Variants in MICAL2 observed in about 807,000 individuals in gnomAD.
MICAL2 encodes the protein microtubule associated monooxygenase, calponin and LIM domain containing 2.
A neutral mutation model predicts 127.3 loss-of-function variants in MICAL2; 77 were observed. The ratio of observed to expected loss-of-function variants is 0.60; its 90% CI spans 0.50 to 0.73. The LOEUF is 0.73. Ranked by LOEUF, MICAL2 falls within the 30% of genes least tolerant of loss-of-function variation. The pLI, the probability that MICAL2 is intolerant of heterozygous loss-of-function variation, is 0.00. For missense variants in MICAL2, 1,351 were observed against 1,434.4 expected, an observed-to-expected ratio of 0.94 and a Z score of 0.94; for synonymous variants, 570 against 551.1, an observed-to-expected ratio of 1.03 and a Z score of -0.48.
intron 29 of MICAL2, among the ~76,000 whole-genome samples, chr11:12,299,888 T>G (rs1864027426): frequency 6.6e-6 from 1 of 152,210 alleles, no homozygotes; most frequent in Non-Finnish European, 1.5e-5. Flanking sequence ...ACTCTTGCAG[T>G]TTTTATTTTA....
At chr11:12,330,619 C>T (rs1196759117) in intron 32 of MICAL2, among the ~76,000 whole-genome samples, 2 of 152,070 alleles carry the variant, frequency 1.3e-5, no homozygotes, top group South Asian at 2.1e-4. Context: ...ATGAGCTCCT[C>T]ATTGTCGTGA....
intron 15 of MICAL2, among the ~76,000 whole-genome samples, chr11:12,233,719 G>A (rs954544697): frequency 1.3e-5 from 2 of 152,156 alleles, no homozygotes; most frequent in Non-Finnish European, 2.9e-5. Flanking sequence ...AAACATTAAT[G>A]GGAAAAGAAC....
At chr11:12,252,982 C>T (rs2706660) in intron 22 of MICAL2, 115,234 of 152,056 alleles carry the variant, frequency 0.76, 44,026 homozygotes, top group African/African-American at 0.85. Context: ...CTCTACGATC[C>T]TGGGATCAGG....
chr11:12,241,529 GCCCAGGTGGCCACTTGGCTGGA>G lies in MICAL2; in HGVS notation c.2337+372_2337+393del, dbSNP rs1485062246. The stretch of plus-strand genomic sequence containing the variant: ...CAATGAAAAAGTGATGTTGGAATGG[GCCCAGGTGGCCACTTGGCTGGA>G]CCCATTGAAGGGGTAAGGCTGGGAT... On this transcript the variant is annotated intron_variant, in intron 18 of 27. Transcript: ENST00000683283. 2.0e-5 allele frequency among the ~76,000 whole-genome samples: 3 copies of G among 152,340 alleles called. No individual in the cohort carries two copies. In the East Asian group the frequency reaches 5.8e-4, roughly 29 times the overall value.
chr11:12,357,813 G>A (rs1939151031), intron 34 of MICAL2, among the ~76,000 whole-genome samples: 1 of 152,082 alleles, frequency 6.6e-6, no homozygotes, highest in Non-Finnish European at 1.5e-5. Flanking sequence ...ACTCCAGCCT[G>A]GGCAACAGAG....
chr11:12,177,353 G>T (rs1856950054), intron 3 of MICAL2, among the ~76,000 whole-genome samples: 1 of 151,962 alleles, frequency 6.6e-6, no homozygotes, highest in African/African-American at 2.4e-5. Flanking sequence ...TTTTTGTTTT[G>T]TTTTTATTGA....
At chr11:12,299,093 C>T (rs1203695613) in intron 29 of MICAL2, among the ~76,000 whole-genome samples, 1 of 152,112 alleles carries the variant, frequency 6.6e-6, no homozygotes, top group African/African-American at 2.4e-5. Context: ...AATAGTATGA[C>T]TTCCTTGCCT....
chr11:12,254,213 G>T (rs557271435), intron 22 of MICAL2: 8 of 152,328 alleles, frequency 5.3e-5, no homozygotes, highest in Admixed American at 3.9e-4. Context: ...TATCACACAA[G>T]GTAGTCCTGG....
At chr11:12,295,630 C>T (rs1332542739), downstream of MICAL2, among the ~76,000 whole-genome samples, 1 of 151,914 alleles carries the variant, frequency 6.6e-6, no homozygotes, top group Non-Finnish European at 1.5e-5. Context: ...CTCCTGACCT[C>T]AAGCAGTCCT....
chr11:12,256,619 G>A, intron 23 of MICAL2, 166 bp from the exon 24 acceptor site: 5 of 626,978 alleles, frequency 8.0e-6, no homozygotes, highest in Non-Finnish European at 1.1e-5. Context: ...GGTCTGGGTT[G>A]GGGGTGTATC....
intron 29 of MICAL2, among the ~76,000 whole-genome samples, chr11:12,308,416 T>G (rs1213520367): frequency 6.6e-6 from 1 of 152,228 alleles, no homozygotes; most frequent in African/African-American, 2.4e-5. Flanking sequence ...TCTCTCAATT[T>G]ATTTAAGTTT....
At chr11:12,358,457 G>A in exon 35 of MICAL2, 2 of 1,614,136 alleles carry the variant, frequency 1.2e-6, no homozygotes, top group South Asian at 2.2e-5. Context: ...TTCTCCAGAG[G>A]CTGTCAGCTG....
intron 3 of MICAL2, among the ~76,000 whole-genome samples, chr11:12,182,714 G>C (rs1857631889): frequency 6.6e-6 from 1 of 152,134 alleles, no homozygotes; most frequent in African/African-American, 2.4e-5. Flanking sequence ...TGCCTCAATG[G>C]ATGGCTAGTC....
intron 22 of MICAL2, among the ~76,000 whole-genome samples, chr11:12,250,659 G>A (rs531151394): frequency 8.5e-4 from 130 of 152,270 alleles, no homozygotes; most frequent in African/African-American, 3.1e-3. Flanking sequence ...CTAAATTCTT[G>A]AAAATTACAA....
chr11:12,115,383 A>T (rs943872400), intron 1 of MICAL2, among the ~76,000 whole-genome samples: 4 of 152,210 alleles, frequency 2.6e-5, no homozygotes, highest in African/African-American at 9.7e-5. Context: ...TTACCCATCC[A>T]GTAATGGCCC....
chr11:12,143,850 C>T (rs542025987), intron 2 of MICAL2, among the ~76,000 whole-genome samples: 12 of 151,934 alleles, frequency 7.9e-5, no homozygotes, highest in Middle Eastern at 3.4e-3. Context: ...GCAAAAGTAT[C>T]CAGGAAGTAG....
At chr11:12,184,971 G>A (rs920732205) in intron 3 of MICAL2, among the ~76,000 whole-genome samples, 4 of 150,942 alleles carry the variant, frequency 2.7e-5, no homozygotes, top group East Asian at 1.9e-4. Flanking sequence ...GGAAAAGGCC[G>A]ATGGCCCAAG....
chr11:12,293,758 G>A (rs769403479), downstream of MICAL2: 3 of 1,613,964 alleles, frequency 1.9e-6, no homozygotes, highest in South Asian at 3.3e-5. Flanking sequence ...CTGCAGAGAT[G>A]ACTTCTGATG....
At chr11:12,245,553 A>G (rs1860622196) in intron 21 of MICAL2, among the ~76,000 whole-genome samples, 1 of 152,226 alleles carries the variant, frequency 6.6e-6, no homozygotes, top group African/African-American at 2.4e-5. Flanking sequence ...CAGAAAGGGC[A>G]GCAGCAGGTA....
Sources: gnomAD v4.1 joint callset for allele counts (sites outside exome capture counted in the v4.1 genomes callset) on GRCh38, gnomAD v4.1.1 for gene constraint, MANE v1.5 for transcripts, NCBI Gene and HGNC (gene_info 2026-07-23, HGNC 2026-07-21) for gene names.